The following DLG2 variants were observed in gnomAD, a reference collection of about 807,000 sequenced individuals.
DLG2 encodes the protein discs large MAGUK scaffold protein 2.
A neutral mutation model predicts 132.5 loss-of-function variants in DLG2; 45 were observed. The observed-to-expected ratio is 0.34, with a 90% CI of 0.27 to 0.44. The LOEUF (loss-of-function observed/expected upper bound fraction) is 0.44, where lower values mean the gene tolerates loss of function less well. Among genes scored for constraint, DLG2 ranks in the 20% least tolerant of loss-of-function variants. DLG2 has a pLI of 1.00. For synonymous variants in DLG2, 424 were observed against 419.6 expected (o/e 1.01, Z -0.13); for missense variants, 1,045 against 1,196.9 (o/e 0.87, Z 1.87).
intron 16 of DLG2, among the ~76,000 whole-genome samples, chr11:83,858,978 G>A (rs1176540284): frequency 2.0e-5 from 3 of 152,154 alleles, no homozygotes; most frequent in Non-Finnish European, 4.4e-5. Context: ...TCATCAAAAT[G>A]GGAATTTCCC....
intron 17 of DLG2, among the ~76,000 whole-genome samples, chr11:83,822,587 T>A (rs2051135519): frequency 1.3e-5 from 2 of 152,104 alleles, no homozygotes; most frequent in African/African-American, 4.8e-5. Flanking sequence ...GAATTTAGCA[T>A]CCCCACACTA....
intron 3 of DLG2, among the ~76,000 whole-genome samples, chr11:85,356,712 C>T (rs2083716593): frequency 6.6e-6 from 1 of 151,828 alleles, no homozygotes; most frequent in Non-Finnish European, 1.5e-5. Context: ...GTATGAGCTC[C>T]AAGAGGGCAG....
Position 84,553,090 on chromosome 11 carries a change from C to G in DLG2, c.358-18359G>C, listed in dbSNP as rs1259498782. Among the ~76,000 whole-genome samples, 3 of 152,272 alleles carry G rather than the reference C, an allele frequency of 2.0e-5. No individual in the cohort carries two copies. In the East Asian group the frequency reaches 5.8e-4, roughly 29 times the overall value. ...TTCCTTCTGTCTTGAAATGATGCTT[C>G]CCAAATCACAGGTGAGAAATACCTT... is the stretch of plus-strand genomic sequence containing the variant. On this transcript the variant is annotated intron_variant, in intron 6 of 27. Coordinates refer to ENST00000376104, the MANE Select transcript of DLG2 (RefSeq NM_001142699.3).
intron 12 of DLG2, among the ~76,000 whole-genome samples, chr11:83,974,838 G>C (rs1173178934): frequency 6.6e-6 from 1 of 152,032 alleles, no homozygotes; most frequent in Non-Finnish European, 1.5e-5. Flanking sequence ...TGAGTCCAGT[G>C]TCTTTCCGCT....
chr11:84,815,316 G>C (rs1566037662), intron 6 of DLG2, among the ~76,000 whole-genome samples: 1 of 152,048 alleles, frequency 6.6e-6, no homozygotes, highest in African/African-American at 2.4e-5. Flanking sequence ...TGTGAGGAGA[G>C]TTTTTGACTG....
chr11:84,132,293 G>A (rs1169344270), intron 9 of DLG2, among the ~76,000 whole-genome samples: 4 of 151,938 alleles, frequency 2.6e-5, no homozygotes, highest in Non-Finnish European at 4.4e-5. Flanking sequence ...GATTCATCAG[G>A]GTGTTGGCAA....
chr11:83,564,658 A>T (rs1053033716), intron 19 of DLG2, among the ~76,000 whole-genome samples: 1 of 152,204 alleles, frequency 6.6e-6, no homozygotes, highest in African/African-American at 2.4e-5. Flanking sequence ...TATATGAGTG[A>T]ATGATTGTTT....
At chr11:83,471,764 A>T (rs1167992596) in intron 23 of DLG2, 37 bp from the exon 24 acceptor site, 28 of 1,570,896 alleles carry the variant, frequency 1.8e-5, no homozygotes, top group Non-Finnish European at 1.9e-5. Context: ...GTAAAGAGAA[A>T]GAGTTGGAAA....
intron 14 of DLG2, among the ~76,000 whole-genome samples, chr11:83,949,692 T>G (rs974730456): frequency 3.3e-5 from 5 of 152,198 alleles, no homozygotes; most frequent in African/African-American, 1.2e-4. Context: ...TTGTAGCATT[T>G]ACTCATCCTG....
intron 19 of DLG2, among the ~76,000 whole-genome samples, chr11:83,561,776 T>TA (rs779203404): frequency 9.9e-4 from 150 of 151,882 alleles, no homozygotes; most frequent in Admixed American, 3.2e-3. Context: ...ATAATATAAA[T>TA]AGCTATCATT....
At chr11:84,157,478 T>C (rs559251691) in intron 9 of DLG2, among the ~76,000 whole-genome samples, 158 of 152,318 alleles carry the variant, frequency 1.0e-3, no homozygotes, top group African/African-American at 3.7e-3. Context: ...TTGCCCAGAC[T>C]GGAATGCAGT....
intron 6 of DLG2, among the ~76,000 whole-genome samples, chr11:84,700,193 T>C (rs1327558498): frequency 6.6e-6 from 1 of 151,594 alleles, no homozygotes; most frequent in Non-Finnish European, 1.5e-5. Context: ...ATTTGTACAG[T>C]ATAAAACAAT....
chr11:85,588,754 C>T (rs2079122334), intron 3 of DLG2, among the ~76,000 whole-genome samples: 1 of 151,908 alleles, frequency 6.6e-6, no homozygotes, highest in African/African-American at 2.4e-5. Context: ...TGTTGTAAAA[C>T]CTCATCTTGT....
chr11:84,657,970 T>C (rs1339013857), intron 6 of DLG2, among the ~76,000 whole-genome samples: 1 of 152,186 alleles, frequency 6.6e-6, no homozygotes, highest in Admixed American at 6.5e-5. Flanking sequence ...ATAATAAAGA[T>C]GACATTTCTC....
chr11:83,833,081 A>T (rs759236952), intron 17 of DLG2, among the ~76,000 whole-genome samples: 38 of 152,174 alleles, frequency 2.5e-4, no homozygotes, highest in Non-Finnish European at 5.0e-4. Context: ...AAACATTAGC[A>T]CCTTCGCCTT....
chr11:84,888,515 G>C (rs922466253), intron 6 of DLG2, among the ~76,000 whole-genome samples: 3 of 152,100 alleles, frequency 2.0e-5, no homozygotes, highest in Non-Finnish European at 4.4e-5. Context: ...GACAGCAAGT[G>C]ATGGAATTTC....
intron 3 of DLG2, among the ~76,000 whole-genome samples, chr11:85,457,432 T>C (rs2092458709): frequency 6.6e-6 from 1 of 152,182 alleles, no homozygotes; most frequent in African/African-American, 2.4e-5. Flanking sequence ...ATTTAGCCCA[T>C]TCATATTCAA....
intron 18 of DLG2, among the ~76,000 whole-genome samples, chr11:83,766,503 T>G (rs1311906596): frequency 6.6e-6 from 1 of 151,900 alleles, no homozygotes. Context: ...CTCCTTCTTA[T>G]AAATTTGAAA....
intron 6 of DLG2, among the ~76,000 whole-genome samples, chr11:84,991,334 C>T (rs2057077331): frequency 6.6e-6 from 1 of 151,710 alleles, no homozygotes; most frequent in Non-Finnish European, 1.5e-5. Context: ...AATTGCAAAA[C>T]CCCGTCTCTA....
Sources: gnomAD v4.1 joint callset for allele counts (sites outside exome capture counted in the v4.1 genomes callset) on GRCh38, gnomAD v4.1.1 for gene constraint, MANE v1.5 for transcripts, NCBI Gene and HGNC (gene_info 2026-07-23, HGNC 2026-07-21) for gene names.